Variants in KAT6A observed in about 807,000 individuals in gnomAD.
KAT6A encodes the protein histone acetyltransferase KAT6A.
In KAT6A, 9 loss-of-function variants were observed where a neutral mutation model predicts 198.4. That is an observed-to-expected ratio of 0.05 (90% CI 0.03 to 0.08). KAT6A has a LOEUF of 0.08. KAT6A is among the 10% of genes least tolerant of loss of function. The pLI is 1.00. For missense variants in KAT6A, 2,077 were observed against 2,509.9 expected (o/e 0.83, Z 3.69); for synonymous variants, 890 against 883.0 (o/e 1.01, Z -0.14).
At chr8:41,981,050 T>G in intron 4 of KAT6A, 123 bp from the exon 5 acceptor site, 1 of 712,592 alleles carries the variant, frequency 1.4e-6, no homozygotes, top group Non-Finnish European at 2.5e-6. Context: ...CCAGGCGCAA[T>G]GGCTCACGCC....
rs1253606761 is a variant in KAT6A, at chr8:42,049,061, C to T, written c.-84G>A. On this transcript the variant is annotated 5_prime_UTR_variant, in exon 2 of 17. Transcript: ENST00000265713. ...TTTACACCATGGAAAACAAGATTCT[C>T]GGAGGCTGGGAACCAGTTAACCATA... 1.1e-5 allele frequency: 16 copies of T among 1,425,964 alleles called. No homozygotes were observed. The highest frequency in any genetic ancestry group is 2.9e-5 in the African/African-American group (2 of 70,014). 88.3% of individuals were successfully genotyped at this position (1,425,964 alleles called of 1,614,324 possible).
At chr8:41,946,118 CAG>C (rs1822372657) in intron 12 of KAT6A, among the ~76,000 whole-genome samples, 1 of 151,820 alleles carries the variant, frequency 6.6e-6, no homozygotes, top group Non-Finnish European at 1.5e-5. Flanking sequence ...TATTTTGAGA[CAG>C]AGTCTTGCTC....
rs138578452 is a variant in KAT6A, at chr8:42,048,373, C to A, written c.600+5G>T. 288 of 1,612,634 alleles carry A rather than the reference C, an allele frequency of 1.8e-4. No individual in the cohort carries two copies. The East Asian group carries it at 5.1e-3, about 29-fold the overall frequency. On this transcript the variant is annotated splice_donor_5th_base_variant and intron_variant, in intron 2 of 16. Coordinates refer to ENST00000265713, the MANE Select transcript of KAT6A (RefSeq NM_006766.5). ...TATAAACCCCGAAGCATATGCCATT[C>A]TTACCTTATCCTTTTCATGTGGAAG... is the stretch of plus-strand genomic sequence containing the variant.
intron 8 of KAT6A, among the ~76,000 whole-genome samples, chr8:41,965,374 C>A (rs1161980431): frequency 6.6e-6 from 1 of 152,174 alleles, no homozygotes; most frequent in East Asian, 1.9e-4. Flanking sequence ...ACAAAACAGG[C>A]TGTGGATGGG....
At chr8:41,987,634 T>C in intron 2 of KAT6A, 71 bp from the exon 3 acceptor site, 1 of 923,160 alleles carries the variant, frequency 1.1e-6, no homozygotes, top group Admixed American at 2.1e-5. Flanking sequence ...ACATCAAAAT[T>C]ATAGTTTTAA....
At chr8:41,938,852 TG>T in intron 15 of KAT6A, among the ~76,000 whole-genome samples, 1 of 145,390 alleles carries the variant, frequency 6.9e-6, no homozygotes, top group South Asian at 2.2e-4. Flanking sequence ...GAGGCTGAGG[TG>T]GGAGCGTTGC....
intron 2 of KAT6A, among the ~76,000 whole-genome samples, chr8:42,007,248 T>C (rs1005129786): frequency 2.6e-5 from 4 of 152,158 alleles, no homozygotes; most frequent in African/African-American, 9.6e-5. Context: ...CAGATTAATT[T>C]AACAATCAAC....
chr8:42,004,712 G>A (rs900240285), intron 2 of KAT6A, among the ~76,000 whole-genome samples: 10 of 152,102 alleles, frequency 6.6e-5, no homozygotes, highest in Non-Finnish European at 1.5e-4. Flanking sequence ...GATCACCTGA[G>A]GTCAGGAGTT....
intron 2 of KAT6A, among the ~76,000 whole-genome samples, chr8:42,033,420 GC>G (rs1296151215): frequency 6.6e-6 from 1 of 152,174 alleles, no homozygotes; most frequent in African/African-American, 2.4e-5. Context: ...TGCAATGTTT[GC>G]TGGGAAGGGT....
At chr8:42,015,862 T>C (rs943948669) in intron 2 of KAT6A, among the ~76,000 whole-genome samples, 1 of 152,176 alleles carries the variant, frequency 6.6e-6, no homozygotes. Flanking sequence ...GATTTAAAAA[T>C]AGCAAAGTTT....
chr8:41,959,188 A>G (rs1383399967), intron 8 of KAT6A, among the ~76,000 whole-genome samples: 3 of 151,920 alleles, frequency 2.0e-5, no homozygotes, highest in Non-Finnish European at 4.4e-5. Context: ...AAAGTTGGAA[A>G]AGTTTCTTTC....
At chr8:41,955,189 TC>T in intron 9 of KAT6A, 106 bp downstream of exon 9, 1 of 710,950 alleles carries the variant, frequency 1.4e-6, no homozygotes, top group East Asian at 2.8e-5. Flanking sequence ...GCCCCCAGTT[TC>T]CTCAAATGTA....
intron 11 of KAT6A, 58 bp from the exon 12 acceptor site, chr8:41,946,742 G>A (rs961870034): frequency 3.8e-5 from 39 of 1,015,170 alleles, no homozygotes; most frequent in African/African-American, 1.7e-4. Flanking sequence ...GAATAATAAC[G>A]TGAATTAAGA....
Position 41,961,690 on chromosome 8 carries a change from T to C in KAT6A, c.1483-6279A>G, listed in dbSNP as rs1564024849. Among the ~76,000 whole-genome samples the C allele has an allele frequency of 3.3e-5, 5 of 150,030 alleles. No homozygotes were observed. The South Asian group carries it at 8.5e-4, about 25-fold the overall frequency. On this transcript the variant is annotated intron_variant, in intron 8 of 16. Coordinates refer to ENST00000265713, the MANE Select transcript of KAT6A (RefSeq NM_006766.5). ...ATCCCTTGAACCCGGGACGTGGCGG[T>C]TGCAATGAGCCGAGATGGTGCCACT...
At chr8:41,935,095 T>A (rs966991103) in intron 16 of KAT6A, among the ~76,000 whole-genome samples, 2 of 152,224 alleles carry the variant, frequency 1.3e-5, no homozygotes, top group Admixed American at 1.3e-4. Flanking sequence ...CTGGTCAACA[T>A]TATGTTATCA....
chr8:41,960,615 G>A (rs1024488132), intron 8 of KAT6A, among the ~76,000 whole-genome samples: 1 of 150,032 alleles, frequency 6.7e-6, no homozygotes, highest in Admixed American at 6.6e-5. Flanking sequence ...TCAGGATTCT[G>A]GATATTGTGA....
At chr8:42,032,130 C>T (rs968405077) in intron 2 of KAT6A, among the ~76,000 whole-genome samples, 2 of 152,084 alleles carry the variant, frequency 1.3e-5, no homozygotes, top group Admixed American at 1.3e-4. Flanking sequence ...AGGGTTTTGC[C>T]GTGTTAGCCA....
chr8:42,034,675 T>C (rs1444907528), intron 2 of KAT6A, among the ~76,000 whole-genome samples: 1 of 152,180 alleles, frequency 6.6e-6, no homozygotes, highest in Non-Finnish European at 1.5e-5. Flanking sequence ...TAAATAAAAT[T>C]TAAAATTCAG....
intron 13 of KAT6A, 88 bp from the exon 14 acceptor site, chr8:41,943,088 G>T: frequency 6.5e-7 from 1 of 1,529,186 alleles, no homozygotes; most frequent in East Asian, 2.3e-5. Context: ...GGTGAAGCAT[G>T]TAAGATGATA....
Sources: gnomAD v4.1 joint callset for allele counts (sites outside exome capture counted in the v4.1 genomes callset) on GRCh38, gnomAD v4.1.1 for gene constraint, MANE v1.5 for transcripts, NCBI Gene and HGNC (gene_info 2026-07-23, HGNC 2026-07-21) for gene names.